Variants in ARHGAP31 observed in about 807,000 individuals in gnomAD.
The protein encoded by ARHGAP31 is Rho GTPase activating protein 31, also known as rho GTPase-activating protein 31.
Under a neutral mutation model 113.9 loss-of-function variants are expected in ARHGAP31, and 34 were observed. That is an observed-to-expected ratio of 0.30 (90% CI 0.23 to 0.40). ARHGAP31 has a LOEUF of 0.40. ARHGAP31 is among the 10% of genes least tolerant of loss of function. The pLI is 1.00. For missense variants in ARHGAP31, 1,548 were observed against 1,767.1 expected, an observed-to-expected ratio of 0.88 and a Z score of 2.22; for synonymous variants, 650 against 684.8, an observed-to-expected ratio of 0.95 and a Z score of 0.79.
intron 1 of ARHGAP31, among the ~76,000 whole-genome samples, chr3:119,317,092 G>A (rs991255264): frequency 8.6e-5 from 13 of 152,038 alleles, no homozygotes; most frequent in African/African-American, 3.1e-4. Flanking sequence ...AAAGCCATGT[G>A]TATTTTTGTT....
intron 1 of ARHGAP31, among the ~76,000 whole-genome samples, chr3:119,315,908 T>C (rs1368485374): frequency 1.3e-5 from 2 of 152,200 alleles, no homozygotes; most frequent in African/African-American, 4.8e-5. Context: ...AGACAGCACA[T>C]TACAGAGTAC....
chr3:119,407,115 G>GT (rs760375819), intron 10 of ARHGAP31, among the ~76,000 whole-genome samples: 5 of 152,052 alleles, frequency 3.3e-5, no homozygotes, highest in African/African-American at 4.8e-5. Flanking sequence ...GGAGGCCGGG[G>GT]TAGGCAGATC....
intron 4 of ARHGAP31, among the ~76,000 whole-genome samples, chr3:119,381,293 T>C (rs189874575): frequency 9.8e-5 from 15 of 152,292 alleles, no homozygotes; most frequent in Admixed American, 3.9e-4. Context: ...CCCAGATTTG[T>C]AGCATAACCA....
At chr3:119,343,885 C>T (rs892769932) in intron 1 of ARHGAP31, among the ~76,000 whole-genome samples, 3 of 152,214 alleles carry the variant, frequency 2.0e-5, no homozygotes, top group African/African-American at 7.2e-5. Flanking sequence ...TGCTGCTGCC[C>T]ATCTTTTCTC....
chr3:119,315,157 T>C (rs1191697503), intron 1 of ARHGAP31, among the ~76,000 whole-genome samples: 1 of 152,246 alleles, frequency 6.6e-6, no homozygotes, highest in Admixed American at 6.5e-5. Context: ...TTTTCTCTTC[T>C]GTGTATACTG....
intron 8 of ARHGAP31, among the ~76,000 whole-genome samples, chr3:119,397,606 A>G (rs1400464083): frequency 6.6e-6 from 1 of 152,236 alleles, no homozygotes; most frequent in Non-Finnish European, 1.5e-5. Flanking sequence ...AAGGATTTGC[A>G]TGGAGGTGGC....
intron 1 of ARHGAP31, among the ~76,000 whole-genome samples, chr3:119,351,800 G>A (rs1364558017): frequency 5.3e-5 from 8 of 152,194 alleles, no homozygotes; most frequent in Admixed American, 2.6e-4. Flanking sequence ...GCCGTTCTCT[G>A]TATCCATTAG....
Position 119,415,595 on chromosome 3 carries a change from G to T in ARHGAP31, c.3666G>T (p.Gly1222=). The part of the protein sequence containing the change: ...IPQPLPSQSS[G]ENGVQPLERS... ...AGCCCCTGCCCTCTCAGAGCTCAGG[G>T]GAGAATGGGGTTCAGCCTCTGGAGA... is the stretch of plus-strand genomic sequence containing the variant. The change falls in exon 12 of 12, where the codon GGG becomes GGT. Residue 1222 remains glycine, a synonymous_variant. Transcript: ENST00000264245. 1 of 1,614,158 alleles carries T rather than the reference G, an allele frequency of 6.2e-7. No homozygotes were observed. Among genetic ancestry groups the T allele is most frequent in the African/African-American group, 1.3e-5 (1 of 75,050 alleles).
At chr3:119,393,202 C>T (rs778647050) in intron 7 of ARHGAP31, among the ~76,000 whole-genome samples, 12 of 152,256 alleles carry the variant, frequency 7.9e-5, no homozygotes, top group Non-Finnish European at 1.6e-4. Context: ...CATCTGTTTG[C>T]CCCCACCTCT....
In ARHGAP31 at chr3:119,415,811, G is replaced by A. The variant is rs368458596; in HGVS notation, c.3882G>A (p.Ser1294=). The change falls in exon 12 of 12, where the codon TCG becomes TCA. Residue 1294 remains serine, a synonymous_variant. Transcript: ENST00000264245. ...EGPTLSPEPG[S]SNLLSTQDAV... ...CTACCCTTTCTCCAGAACCAGGCTCGTCTAACCTGCTCTCCACCCAGGATG... is the reference window on the plus strand; with the variant it reads ...CTACCCTTTCTCCAGAACCAGGCTCATCTAACCTGCTCTCCACCCAGGATG... 9.3e-5 allele frequency: 150 copies of A among 1,614,106 alleles called. 1 individual carries two copies. Among genetic ancestry groups the A allele is most frequent in the South Asian group, 5.4e-4 (49 of 91,082 alleles).
At chr3:119,362,792 G>A (rs1404777888) in intron 1 of ARHGAP31, among the ~76,000 whole-genome samples, 1 of 151,050 alleles carries the variant, frequency 6.6e-6, no homozygotes, top group Non-Finnish European at 1.5e-5. Context: ...AAGGCGGGGG[G>A]TGGAGTAGAG....
chr3:119,309,239 G>T (rs1454647688), intron 1 of ARHGAP31, among the ~76,000 whole-genome samples: 4 of 152,198 alleles, frequency 2.6e-5, no homozygotes, highest in Non-Finnish European at 4.4e-5. Flanking sequence ...GTATGTGAGG[G>T]TTTGTGGAGA....
intron 1 of ARHGAP31, among the ~76,000 whole-genome samples, chr3:119,325,322 C>G (rs1175990018): frequency 2.0e-5 from 3 of 152,182 alleles, no homozygotes; most frequent in African/African-American, 7.2e-5. Context: ...AGCTGTCATG[C>G]ACATTAATAT....
intron 3 of ARHGAP31, among the ~76,000 whole-genome samples, chr3:119,380,198 G>A (rs539918285): frequency 2.6e-5 from 4 of 152,252 alleles, no homozygotes; most frequent in Non-Finnish European, 4.4e-5. Flanking sequence ...TCCCTGCCAA[G>A]GAAAGCACAT....
At chr3:119,364,237 G>C (rs1010988441) in intron 1 of ARHGAP31, among the ~76,000 whole-genome samples, 4 of 139,086 alleles carry the variant, frequency 2.9e-5, no homozygotes, top group Admixed American at 1.4e-4. Flanking sequence ...GTGGGGGGAT[G>C]GAGGTGGGGG....
At chr3:119,407,042 G>A (rs766345684) in intron 10 of ARHGAP31, among the ~76,000 whole-genome samples, 5 of 152,036 alleles carry the variant, frequency 3.3e-5, no homozygotes, top group Non-Finnish European at 7.4e-5. Context: ...CCCAAATGAG[G>A]CCACATCATA....
chr3:119,407,221 C>T (rs970710718), intron 10 of ARHGAP31, among the ~76,000 whole-genome samples: 10 of 151,978 alleles, frequency 6.6e-5, no homozygotes, highest in Admixed American at 6.6e-4. Context: ...GTGGCAGGCA[C>T]CTGTAGTCCC....
chr3:119,337,523 A>G (rs1401276348), intron 1 of ARHGAP31, among the ~76,000 whole-genome samples: 1 of 152,192 alleles, frequency 6.6e-6, no homozygotes, highest in Non-Finnish European at 1.5e-5. Context: ...ATGATTTGCC[A>G]CTGTGGGTGC....
Position 119,347,596 on chromosome 3 carries a change from C to G in ARHGAP31, c.101-17720C>G, listed in dbSNP as rs538420184. On this transcript the variant is annotated intron_variant, in intron 1 of 11. Transcript: ENST00000264245. ...AGCTTTACGGTGGCCTCCTTGGGTA[C>G]AAGCTCAAGTAGAGATTCAGTCTCC... Among the ~76,000 whole-genome samples, 6 of 152,298 alleles carry G rather than the reference C, an allele frequency of 3.9e-5. No individual in the cohort carries two copies. The South Asian group carries it at 1.2e-3, about 32-fold the overall frequency.
Sources: gnomAD v4.1 joint callset for allele counts (sites outside exome capture counted in the v4.1 genomes callset) on GRCh38, gnomAD v4.1.1 for gene constraint, MANE v1.5 for transcripts, NCBI Gene and HGNC (gene_info 2026-07-23, HGNC 2026-07-21) for gene names.